The following KLHL14 variants were observed in gnomAD, a reference collection of about 807,000 sequenced individuals.
KLHL14 encodes the protein kelch-like protein 14.
KLHL14 carries 22 observed loss-of-function variants against 64.3 expected under a neutral mutation model. That is an observed-to-expected ratio of 0.34 (90% CI 0.24 to 0.49). KLHL14 has a LOEUF of 0.49. KLHL14 is among the 20% of genes least tolerant of loss of function. The probability of loss-of-function intolerance (pLI) is 0.99; values close to 1 mark genes in which losing one functional copy is unlikely to be tolerated. For missense variants in KLHL14, 661 were observed against 789.0 expected (o/e 0.84, Z 1.94); for synonymous variants, 322 against 333.4 (o/e 0.97, Z 0.37).
Position 32,760,035 on chromosome 18 carries a change from T to G in KLHL14, c.947+9610A>C, listed in dbSNP as rs547800110. Among the ~76,000 whole-genome samples the G allele has an allele frequency of 6.6e-5, 10 of 152,330 alleles. 1 individual carries two copies. Among genetic ancestry groups the G allele is most frequent in the African/African-American group, 2.4e-4 (10 of 41,576 alleles). Reference sequence around the variant, plus strand: ...ATTCCCTTTTTTAATCCCATCGCTTTGCACAGGATGCTCTGATGTGGTTGG... The same window carrying G: ...ATTCCCTTTTTTAATCCCATCGCTTGGCACAGGATGCTCTGATGTGGTTGG... On this transcript the variant is annotated intron_variant, in intron 2 of 8. Coordinates refer to ENST00000359358, the MANE Select transcript of KLHL14 (RefSeq NM_020805.3).
intron 4 of KLHL14, among the ~76,000 whole-genome samples, chr18:32,694,057 T>A (rs139847704): frequency 1.3e-5 from 2 of 152,294 alleles, no homozygotes; most frequent in Non-Finnish European, 2.9e-5. Flanking sequence ...ACTTAAGACC[T>A]TAAGTCAGGG....
chr18:32,692,705 A>T (rs764100168), intron 4 of KLHL14, among the ~76,000 whole-genome samples: 2 of 152,224 alleles, frequency 1.3e-5, no homozygotes, highest in Admixed American at 1.3e-4. Flanking sequence ...TACGTGAAAC[A>T]CAGTGTATTA....
At chr18:32,711,216 C>T (rs2050017445) in intron 3 of KLHL14, among the ~76,000 whole-genome samples, 1 of 151,912 alleles carries the variant, frequency 6.6e-6, no homozygotes. Context: ...AGCACAGCTA[C>T]ATGTAAAAGC....
intron 2 of KLHL14, among the ~76,000 whole-genome samples, chr18:32,751,216 TAAG>T (rs2050249523): frequency 6.6e-6 from 1 of 151,884 alleles, no homozygotes; most frequent in Non-Finnish European, 1.5e-5. Context: ...AAAACTGCCC[TAAG>T]GAGAGCTGCT....
chr18:32,696,547 G>A (rs1173463901), intron 3 of KLHL14, among the ~76,000 whole-genome samples: 16 of 152,294 alleles, frequency 1.1e-4, no homozygotes, highest in Admixed American at 9.8e-4. Context: ...TCTAGGTGAG[G>A]ACAAATGGGG....
chr18:32,736,168 G>C (rs971013376), intron 3 of KLHL14, among the ~76,000 whole-genome samples: 4 of 152,106 alleles, frequency 2.6e-5, no homozygotes, highest in African/African-American at 9.7e-5. Flanking sequence ...GCCAAAGAAG[G>C]TCAACCAGTT....
intron 3 of KLHL14, among the ~76,000 whole-genome samples, chr18:32,736,504 T>G (rs1229011064): frequency 6.6e-6 from 1 of 152,122 alleles, no homozygotes; most frequent in Non-Finnish European, 1.5e-5. Context: ...TATATAATAT[T>G]TAGATCCCTG....
At chr18:32,739,616 A>C (rs2050184604) in intron 3 of KLHL14, among the ~76,000 whole-genome samples, 1 of 151,410 alleles carries the variant, frequency 6.6e-6, no homozygotes, top group African/African-American at 2.4e-5. Context: ...CAAGATCTTT[A>C]AATATGTTCC....
chr18:32,684,143 G>C (rs563871951), intron 5 of KLHL14, among the ~76,000 whole-genome samples: 9 of 152,192 alleles, frequency 5.9e-5, no homozygotes, highest in Non-Finnish European at 7.4e-5. Flanking sequence ...ACTGTTCCAA[G>C]TTTTTAATTT....
chr18:32,738,026 C>A (rs1032952468), intron 3 of KLHL14: 1 of 151,962 alleles, frequency 6.6e-6, no homozygotes, highest in African/African-American at 2.4e-5. Context: ...CAAAAGGCAA[C>A]AAAGAAGCAT....
At chr18:32,769,562 C>G in intron 2 of KLHL14, 83 bp downstream of exon 2, 8 of 744,158 alleles carry the variant, frequency 1.1e-5, no homozygotes, top group East Asian at 4.4e-5. Flanking sequence ...CCCATCTCTT[C>G]CCTCCTCCCT....
chr18:32,758,045 C>T (rs939373093), intron 2 of KLHL14, among the ~76,000 whole-genome samples: 3 of 152,102 alleles, frequency 2.0e-5, no homozygotes, highest in African/African-American at 2.4e-5. Flanking sequence ...ACACATAGCA[C>T]AACTAAAAAT....
chr18:32,740,071 G>T (rs2050188392), intron 3 of KLHL14, among the ~76,000 whole-genome samples: 1 of 152,104 alleles, frequency 6.6e-6, no homozygotes, highest in African/African-American at 2.4e-5. Context: ...ATTTTCTCAA[G>T]GTCCTGGATC....
intron 2 of KLHL14, among the ~76,000 whole-genome samples, chr18:32,759,377 C>G (rs879857909): frequency 4.6e-5 from 7 of 152,098 alleles, no homozygotes; most frequent in Admixed American, 2.0e-4. Context: ...GAAGTCCTAA[C>G]AAGTGAACAG....
chr18:32,719,813 A>G (rs938494762), intron 3 of KLHL14, among the ~76,000 whole-genome samples: 4 of 152,228 alleles, frequency 2.6e-5, no homozygotes, highest in African/African-American at 9.6e-5. Flanking sequence ...GATAGCAAGC[A>G]TTTGTCAGAG....
chr18:32,718,154 CT>C (rs1473668236), intron 3 of KLHL14, among the ~76,000 whole-genome samples: 1 of 152,168 alleles, frequency 6.6e-6, no homozygotes, highest in Non-Finnish European at 1.5e-5. Flanking sequence ...CTTAAATTAG[CT>C]TTTTAAACAC....
intron 3 of KLHL14, among the ~76,000 whole-genome samples, chr18:32,703,784 G>A (rs925597054): frequency 1.3e-5 from 2 of 151,990 alleles, no homozygotes; most frequent in Non-Finnish European, 1.5e-5. Flanking sequence ...TAATATCAAC[G>A]GTTTTACTTT....
At chr18:32,690,915 G>A (rs2049904423) in intron 4 of KLHL14, among the ~76,000 whole-genome samples, 1 of 152,086 alleles carries the variant, frequency 6.6e-6, no homozygotes, top group African/African-American at 2.4e-5. Flanking sequence ...GGGACATACA[G>A]GAAGAGATAA....
At chr18:32,771,025 C>T (rs2050381533) in intron 1 of KLHL14, 1 of 359,938 alleles carries the variant, frequency 2.8e-6, no homozygotes, top group Non-Finnish European at 5.6e-6. Context: ...GTGTCCATGC[C>T]GGGCCAGATG....
Sources: gnomAD v4.1 joint callset for allele counts (sites outside exome capture counted in the v4.1 genomes callset) on GRCh38, gnomAD v4.1.1 for gene constraint, MANE v1.5 for transcripts, NCBI Gene and HGNC (gene_info 2026-07-23, HGNC 2026-07-21) for gene names.